Variants in NRXN3 observed in about 807,000 individuals in gnomAD.
NRXN3 encodes the protein neurexin 3.
NRXN3 carries 32 observed loss-of-function variants against 137.6 expected under a neutral mutation model. The ratio of observed to expected loss-of-function variants is 0.23; its 90% confidence interval spans 0.18 to 0.31. NRXN3 has a LOEUF of 0.31. Among genes scored for constraint, NRXN3 ranks in the 10% least tolerant of loss-of-function variants. The pLI, the probability that NRXN3 is intolerant of heterozygous loss-of-function variation, is 1.00. For synonymous variants in NRXN3, 798 were observed against 784.5 expected (o/e 1.02, Z -0.29); for missense variants, 1,574 against 2,062.5 (o/e 0.76, Z 4.59).
chr14:78,340,187 C>G (rs2081995433), intron 4 of NRXN3, among the ~76,000 whole-genome samples: 1 of 152,130 alleles, frequency 6.6e-6, no homozygotes, highest in African/African-American at 2.4e-5. Context: ...AACCAGCCAC[C>G]AACTTGGCAG....
chr14:78,638,306 A>T (rs2097583964), intron 4 of NRXN3, among the ~76,000 whole-genome samples: 1 of 151,850 alleles, frequency 6.6e-6, no homozygotes, highest in Admixed American at 6.5e-5. Context: ...GGGCGACACA[A>T]TTTCCCGTCT....
intron 16 of NRXN3, among the ~76,000 whole-genome samples, chr14:79,612,501 C>T (rs1408732705): frequency 6.6e-6 from 1 of 152,166 alleles, no homozygotes; most frequent in African/African-American, 2.4e-5. Flanking sequence ...CTTTCTGTAA[C>T]CATGTAAAAG....
intron 8 of NRXN3, among the ~76,000 whole-genome samples, chr14:78,795,549 G>A (rs1031759855): frequency 5.5e-5 from 8 of 144,402 alleles, no homozygotes; most frequent in African/African-American, 2.0e-4. Flanking sequence ...GTACTAAAAT[G>A]TGTTTTAAAA....
intron 16 of NRXN3, among the ~76,000 whole-genome samples, chr14:79,511,775 T>C (rs1402330297): frequency 3.9e-5 from 6 of 152,196 alleles, no homozygotes; most frequent in Non-Finnish European, 7.3e-5. Context: ...TTGCCTCAAC[T>C]GGATGAACTT....
intron 10 of NRXN3, among the ~76,000 whole-genome samples, chr14:78,886,490 C>G (rs1314677426): frequency 6.6e-6 from 1 of 151,908 alleles, no homozygotes; most frequent in Non-Finnish European, 1.5e-5. Context: ...TTTCTTGCTT[C>G]TTTTATATCT....
At chr14:79,389,146 T>G (rs2094752946) in intron 15 of NRXN3, among the ~76,000 whole-genome samples, 2 of 152,228 alleles carry the variant, frequency 1.3e-5, no homozygotes, top group South Asian at 4.1e-4. Context: ...AAGTTGTGTC[T>G]TCCTTGGTGT....
intron 15 of NRXN3, among the ~76,000 whole-genome samples, chr14:79,316,060 T>G (rs142960412): frequency 1.3e-5 from 2 of 152,306 alleles, no homozygotes; most frequent in East Asian, 1.9e-4. Context: ...TTACTTAACC[T>G]TACTTCAGTG....
intron 16 of NRXN3, among the ~76,000 whole-genome samples, chr14:79,661,950 T>G (rs979519154): frequency 6.6e-6 from 1 of 152,146 alleles, no homozygotes; most frequent in Non-Finnish European, 1.5e-5. Context: ...AGGGAGCCAG[T>G]GGGAGGTAAT....
At chr14:79,767,466 C>T (rs1433792988) in intron 19 of NRXN3, among the ~76,000 whole-genome samples, 1 of 152,166 alleles carries the variant, frequency 6.6e-6, no homozygotes, top group Non-Finnish European at 1.5e-5. Context: ...GTCATAACCT[C>T]ATGCATTTCT....
In NRXN3 at chr14:79,652,091, G is replaced by A. The variant is rs141200162; in HGVS notation, c.3445-11687G>A. Among the ~76,000 whole-genome samples, 710 of 152,234 alleles carry A rather than the reference G, an allele frequency of 4.7e-3. 5 individuals are homozygous for A. Among genetic ancestry groups the A allele is most frequent in the Middle Eastern group, 6.8e-3 (2 of 294 alleles). ...CACAGAGGTGCTTAGATTCTACTGA[G>A]CCACCATTACTTTGCCTAAAAGAAA... On this transcript the variant is annotated intron_variant, in intron 16 of 20. Coordinates refer to ENST00000335750, the MANE Select transcript of NRXN3 (RefSeq NM_001330195.2).
At chr14:78,986,891 C>T (rs1338738136) in intron 14 of NRXN3, among the ~76,000 whole-genome samples, 3 of 151,524 alleles carry the variant, frequency 2.0e-5, no homozygotes, top group Non-Finnish European at 4.4e-5. Flanking sequence ...AGTGTAGTGG[C>T]GTGTGCCTGT....
At chr14:78,965,982 G>T in intron 11 of NRXN3, 43 bp from the exon 12 acceptor site, 2 of 1,586,952 alleles carry the variant, frequency 1.3e-6, no homozygotes, top group East Asian at 2.2e-5. Flanking sequence ...TGTGATAAAT[G>T]ATGGTAACTT....
At chr14:78,642,026 T>G (rs1199461455) in intron 4 of NRXN3, among the ~76,000 whole-genome samples, 1 of 152,202 alleles carries the variant, frequency 6.6e-6, no homozygotes, top group Non-Finnish European at 1.5e-5. Context: ...GAGTGATTCA[T>G]GTAAGGTGAG....
intron 15 of NRXN3, among the ~76,000 whole-genome samples, chr14:79,323,426 G>A (rs2090364776): frequency 6.6e-6 from 1 of 152,146 alleles, no homozygotes; most frequent in Admixed American, 6.5e-5. Flanking sequence ...AAGCCAAAAG[G>A]CCCATTATTA....
chr14:78,992,760 A>G (rs1194843596), intron 15 of NRXN3, among the ~76,000 whole-genome samples: 1 of 152,176 alleles, frequency 6.6e-6, no homozygotes, highest in Non-Finnish European at 1.5e-5. Flanking sequence ...TACCATGTAC[A>G]TGACAACTGT....
intron 15 of NRXN3, among the ~76,000 whole-genome samples, chr14:79,254,800 GCCTC>G (rs558606833): frequency 1.2e-3 from 179 of 151,702 alleles, no homozygotes; most frequent in Non-Finnish European, 1.8e-3. Flanking sequence ...CTCCCTGCCT[GCCTC>G]CCTCCCTCCC....
At chr14:79,453,508 G>T (rs1352699740) in intron 15 of NRXN3, among the ~76,000 whole-genome samples, 1 of 152,140 alleles carries the variant, frequency 6.6e-6, no homozygotes, top group Non-Finnish European at 1.5e-5. Context: ...TGGTCAAATC[G>T]ATTTACATAG....
chr14:78,175,019 G>A (rs1284463971), intron 1 of NRXN3, among the ~76,000 whole-genome samples: 13 of 152,202 alleles, frequency 8.5e-5, no homozygotes, highest in Non-Finnish European at 2.9e-5. Context: ...GTTGGAGGCT[G>A]CAGCCTGAAG....
intron 15 of NRXN3, among the ~76,000 whole-genome samples, chr14:79,438,012 G>C (rs192052977): frequency 6.6e-6 from 1 of 152,088 alleles, no homozygotes; most frequent in Non-Finnish European, 1.5e-5. Flanking sequence ...AGGCCTCAGC[G>C]TGGCTTCTCT....
Sources: gnomAD v4.1 joint callset for allele counts (sites outside exome capture counted in the v4.1 genomes callset) on GRCh38, gnomAD v4.1.1 for gene constraint, MANE v1.5 for transcripts, NCBI Gene and HGNC (gene_info 2026-07-23, HGNC 2026-07-21) for gene names.